Variants in SEZ6 observed in about 807,000 individuals in gnomAD.
The protein encoded by SEZ6 is seizure related 6 homolog.
Under a neutral mutation model 101.0 loss-of-function variants are expected in SEZ6, and 53 were observed. That is an observed-to-expected ratio of 0.52 (90% CI 0.42 to 0.66). The LOEUF is 0.66. SEZ6 is among the 30% of genes least tolerant of loss of function. The pLI is 0.00. For missense variants in SEZ6, 1,102 were observed against 1,289.4 expected (o/e 0.85, Z 2.23); for synonymous variants, 488 against 512.2 (o/e 0.95, Z 0.64).
intron 1 of SEZ6, among the ~76,000 whole-genome samples, chr17:29,002,388 T>C (rs555124140): frequency 6.6e-6 from 1 of 152,274 alleles, no homozygotes; most frequent in East Asian, 1.9e-4. Context: ...GTCTCCTTGC[T>C]CTCCATTAGT....
Position 28,959,317 on chromosome 17 carries a change from ACCC to A in SEZ6, c.1910+14_1910+16del. ...AGACCTCAGGAGTTGGCTCGGCCTG[ACCC>A]GGTAGGCACTCACACTCGGATGTCC... On this transcript the variant is annotated intron_variant, in intron 9 of 16. Coordinates refer to ENST00000317338, the MANE Select transcript of SEZ6 (RefSeq NM_178860.5). This position sits in a 1 kb window ranked among gnomAD's most constrained non-coding sequence, Gnocchi z 4.4. 6.2e-7 allele frequency: 1 copy of A among 1,613,870 alleles called. No homozygotes were observed. The highest frequency in any genetic ancestry group is 1.7e-5 in the Admixed American group (1 of 60,022).
At chr17:28,993,635 C>G (rs911990145) in intron 1 of SEZ6, among the ~76,000 whole-genome samples, 3 of 152,180 alleles carry the variant, frequency 2.0e-5, no homozygotes, top group Non-Finnish European at 4.4e-5. Flanking sequence ...AATAGCATCC[C>G]CTCCATCCTT....
In SEZ6 at chr17:28,962,111, G is replaced by A. The variant is rs114382660; in HGVS notation, c.1241-1138C>T. Among the ~76,000 whole-genome samples the A allele has an allele frequency of 7.1e-3, 1,077 of 152,210 alleles. 14 individuals are homozygous for A. The highest frequency in any genetic ancestry group is 0.025 in the African/African-American group (1,035 of 41,520). On this transcript the variant is annotated intron_variant, in intron 5 of 16. Coordinates refer to ENST00000317338, the MANE Select transcript of SEZ6 (RefSeq NM_178860.5). ...CCCTTTATGAATCCACCTCTCTCTA[G>A]ACTCAGCTTCAGTCCCCTCTCCCCG...
intron 1 of SEZ6, among the ~76,000 whole-genome samples, chr17:28,987,932 C>T (rs964013458): frequency 6.6e-6 from 1 of 152,152 alleles, no homozygotes; most frequent in Non-Finnish European, 1.5e-5. Flanking sequence ...TGCTGGCTTT[C>T]GGCTGTAGCA....
At position 28,989,839 on chromosome 17, in the gene SEZ6, G is replaced by A. The variant is rs1219641555; in HGVS notation, c.56-7800C>T. ...TCCCAGCACTTTGAGAAGCCGAGGT[G>A]GGGGGATCACCTGAGGTCAGGAGTT... On this transcript the variant is annotated intron_variant, in intron 1 of 16. Coordinates refer to ENST00000317338, the MANE Select transcript of SEZ6 (RefSeq NM_178860.5). Among the ~76,000 whole-genome samples, 3 of 152,108 alleles carry A rather than the reference G, an allele frequency of 2.0e-5. No individual in the cohort carries two copies. In the East Asian group the frequency reaches 5.8e-4, roughly 29 times the overall value.
At chr17:28,994,451 T>A (rs1046945300) in intron 1 of SEZ6, among the ~76,000 whole-genome samples, 18 of 151,850 alleles carry the variant, frequency 1.2e-4, no homozygotes, top group African/African-American at 4.1e-4. Context: ...AATTTTTGTA[T>A]TTTTATTAGA....
intron 1 of SEZ6, among the ~76,000 whole-genome samples, chr17:28,991,574 T>G (rs1310273822): frequency 1.3e-5 from 2 of 152,166 alleles, no homozygotes; most frequent in Non-Finnish European, 2.9e-5. Context: ...CCTACCTGAC[T>G]TCTCAGCCTT....
Position 28,982,056 on chromosome 17 carries a change from T to C in SEZ6, c.56-17A>G. 6.4e-7 allele frequency: 1 copy of C among 1,555,752 alleles called. No homozygotes were observed. Among genetic ancestry groups the C allele is most frequent in the Non-Finnish European group, 8.7e-7 (1 of 1,152,718 alleles). On this transcript the variant is annotated splice_polypyrimidine_tract_variant and intron_variant, in intron 1 of 16. Transcript: ENST00000317338. ...AAGAGAGTCCTGAAATAATAAGGGATGGTCAGAGGTTCTCCCCCTGCTCCA... is the reference window on the plus strand; with the variant it reads ...AAGAGAGTCCTGAAATAATAAGGGACGGTCAGAGGTTCTCCCCCTGCTCCA...
Position 28,981,388 on chromosome 17 carries a change from G to T in SEZ6, c.707C>A (p.Thr236Asn). 6.4e-7 allele frequency: 1 copy of T among 1,551,244 alleles called. No homozygotes were observed. The highest frequency in any genetic ancestry group is 8.7e-7 in the Non-Finnish European group (1 of 1,146,546). ...TAGCTGACCTGGTGTCTGGACTGTG[G>T]TGATGGTGGTGGTGATGATGGTGGT... The part of the protein sequence containing the change: ...TTTTIITTTI[T>N]TVQTPGPCSW... Residue 236 changes from threonine (T) to asparagine (N), a missense_variant, in exon 2 of 17, where the codon ACC becomes AAC. Thr to Asn is a moderately conservative substitution (Grantham distance 65, BLOSUM62 0). This residue lies in a region of SEZ6 where 406 missense variants were observed against 418.6 expected (regional missense o/e 0.97). Coordinates refer to ENST00000317338, the MANE Select transcript of SEZ6 (RefSeq NM_178860.5).
Position 28,968,543 on chromosome 17 carries a change from G to A in SEZ6, c.1054+1214C>T, listed in dbSNP as rs9908829. Among the ~76,000 whole-genome samples the A allele has an allele frequency of 8.4e-3, 1,279 of 152,332 alleles. 21 individuals carry two copies. The highest frequency in any genetic ancestry group is 0.029 in the African/African-American group (1,223 of 41,574). ...AGCCATTAGGGAGGCTAGCTGGGCC[G>A]CCTAGACGTTTCACCCTTGCCTCAG... On this transcript the variant is annotated intron_variant, in intron 4 of 16. Transcript: ENST00000317338.
chr17:28,978,385 C>G (rs1003644171), intron 3 of SEZ6, among the ~76,000 whole-genome samples: 1 of 152,244 alleles, frequency 6.6e-6, no homozygotes, highest in Non-Finnish European at 1.5e-5. Context: ...AAGGAGCTCA[C>G]AGTCTAGCTG....
rs542086332 is a variant in SEZ6 at position 28,959,957 on chromosome 17, C to T, written c.1577-65G>A. On this transcript the variant is annotated intron_variant, in intron 7 of 16. Coordinates refer to ENST00000317338, the MANE Select transcript of SEZ6 (RefSeq NM_178860.5). This position sits in a 1 kb window ranked among gnomAD's most constrained non-coding sequence, Gnocchi z 4.4. ...GTATTAAACACAGTGGGCAAGCATC[C>T]CCCTACTTCCCTCCCCAGAGCCTTT... is the stretch of plus-strand genomic sequence containing the variant. 2 of 1,496,574 alleles carry T rather than the reference C, an allele frequency of 1.3e-6. No individual in the cohort carries two copies. The highest frequency in any genetic ancestry group is 2.5e-5 in the East Asian group (1 of 40,626). 92.7% of individuals were successfully genotyped at this position (1,496,574 alleles called of 1,614,324 possible). A position where few individuals can be genotyped will look rare whatever the true frequency, so the allele number is the denominator to read the frequency against.
At chr17:28,982,523 T>C (rs1438673811) in intron 1 of SEZ6, among the ~76,000 whole-genome samples, 2 of 152,250 alleles carry the variant, frequency 1.3e-5, no homozygotes, top group Non-Finnish European at 2.9e-5. Context: ...CACAGTGTCT[T>C]TCCTGTCTGA....
chr17:28,957,723 T>C lies in SEZ6; in HGVS notation c.2303-184A>G. 8.1e-6 allele frequency: 7 copies of C among 863,438 alleles called. No individual in the cohort carries two copies. The South Asian group carries it at 1.1e-4, about 14-fold the overall frequency. The allele number at this position is 863,438 out of a possible 1,614,324, so 53.5% of individuals were successfully genotyped here. A position where few individuals can be genotyped will look rare whatever the true frequency, so the allele number is the denominator to read the frequency against. ...TCCCCTTCCCATCTATTAGGTTCGA[T>C]AAAAACTGATTGGCCATCTACCAGG... On this transcript the variant is annotated intron_variant, in intron 11 of 16. Coordinates refer to ENST00000317338, the MANE Select transcript of SEZ6 (RefSeq NM_178860.5).
At chr17:28,971,158 T>C (rs2152686694) in intron 3 of SEZ6, among the ~76,000 whole-genome samples, 1 of 152,350 alleles carries the variant, frequency 6.6e-6, no homozygotes, top group Middle Eastern at 3.4e-3. Flanking sequence ...GACCTCATCC[T>C]AACCATGTGA....
At chr17:28,964,738 T>C (rs1032411924) in intron 4 of SEZ6, among the ~76,000 whole-genome samples, 3 of 152,200 alleles carry the variant, frequency 2.0e-5, no homozygotes, top group Non-Finnish European at 4.4e-5. Flanking sequence ...AAAAGCTTGA[T>C]GCCAATGGCC....
intron 1 of SEZ6, among the ~76,000 whole-genome samples, chr17:29,003,217 C>T (rs2041638293): frequency 6.6e-6 from 1 of 152,238 alleles, no homozygotes; most frequent in African/African-American, 2.4e-5. Context: ...ACACGCAGCC[C>T]CTTCAACACC....
chr17:28,960,372 C>T (rs2040956865), intron 7 of SEZ6, 133 bp downstream of exon 7: 33 of 1,220,816 alleles, frequency 2.7e-5, no homozygotes, highest in Non-Finnish European at 3.7e-5. Context: ...GGCCTAAGTA[C>T]TGAGTGAGCA....
chr17:28,969,426 A>G (rs930797750), intron 4 of SEZ6, among the ~76,000 whole-genome samples: 3 of 152,216 alleles, frequency 2.0e-5, no homozygotes, highest in Non-Finnish European at 2.9e-5. Flanking sequence ...TGACATTGCC[A>G]GTGTCCAGCA....
Sources: allele counts gnomAD v4.1 joint callset (sites outside exome capture counted in the v4.1 genomes callset), GRCh38; gene constraint gnomAD v4.1.1; regional missense constraint gnomAD v4.1.1; non-coding constraint Gnocchi (gnomAD v3.1); transcripts MANE v1.5; gene names NCBI Gene and HGNC (gene_info 2026-07-23, HGNC 2026-07-21).